Variants in CLASP1 observed in about 807,000 individuals in gnomAD.
CLASP1 encodes the protein cytoplasmic linker associated protein 1.
In CLASP1, 38 loss-of-function variants were observed where a neutral mutation model predicts 192.3. That is an observed-to-expected ratio of 0.20 (90% CI 0.15 to 0.26). The LOEUF (loss-of-function observed/expected upper bound fraction) is 0.26, where lower values mean the gene tolerates loss of function less well. Ranked by LOEUF, CLASP1 falls within the 10% of genes least tolerant of loss-of-function variation. CLASP1 has a pLI of 1.00. For missense variants in CLASP1, 1,433 were observed against 1,932.5 expected, an observed-to-expected ratio of 0.74 and a Z score of 4.85; for synonymous variants, 691 against 712.8, an observed-to-expected ratio of 0.97 and a Z score of 0.49.
At chr2:121,349,991 A>G (rs565868254) in intron 37 of CLASP1, among the ~76,000 whole-genome samples, 4 of 152,328 alleles carry the variant, frequency 2.6e-5, no homozygotes, top group Middle Eastern at 6.8e-3. Flanking sequence ...TACTCAAGAT[A>G]TAGTCAGTAA....
At chr2:121,365,042 C>A (rs770334978) in intron 36 of CLASP1, 52 bp downstream of exon 37, 1 of 1,539,338 alleles carries the variant, frequency 6.5e-7, no homozygotes, top group South Asian at 1.1e-5. Flanking sequence ...AAAAGGACAT[C>A]GTGACCCCAT....
chr2:121,355,445 T>A (rs551764428), intron 37 of CLASP1, among the ~76,000 whole-genome samples: 3 of 152,322 alleles, frequency 2.0e-5, no homozygotes, highest in Admixed American at 2.0e-4. Context: ...ATGTATCTAA[T>A]GTGGATGAGG....
At chr2:121,606,176 C>T in exon 2 of CLASP1, 1 of 464,584 alleles carries the variant, frequency 2.2e-6, no homozygotes, top group Admixed American at 3.8e-5. Flanking sequence ...ATTCAGCAGT[C>T]CATTCTGAAA....
chr2:121,521,269 C>T (rs922638438), intron 6 of CLASP1, among the ~76,000 whole-genome samples: 2 of 152,124 alleles, frequency 1.3e-5, no homozygotes, highest in African/African-American at 4.8e-5. Context: ...CTGGCCTTGT[C>T]GAATGAGCTG....
intron 6 of CLASP1, among the ~76,000 whole-genome samples, chr2:121,516,754 C>A (rs2094308326): frequency 6.6e-6 from 1 of 152,220 alleles, no homozygotes; most frequent in African/African-American, 2.4e-5. Context: ...ATAAGCCGGG[C>A]GTGGTGGCTC....
chr2:121,612,107 T>TGGA (rs1169069127), intron 1 of CLASP1, among the ~76,000 whole-genome samples: 1 of 57,684 alleles, frequency 1.7e-5, no homozygotes, highest in Non-Finnish European at 3.7e-5. Flanking sequence ...AAAGAGGAAC[T>TGGA]GGAGGAGGAG....
chr2:121,471,954 T>A (rs1345344432), intron 8 of CLASP1, among the ~76,000 whole-genome samples: 2 of 152,200 alleles, frequency 1.3e-5, no homozygotes, highest in African/African-American at 4.8e-5. Context: ...AGTCACCCAC[T>A]GAGTACTGCC....
At chr2:121,608,906 CAT>C (rs1245138982) in intron 1 of CLASP1, among the ~76,000 whole-genome samples, 1 of 152,108 alleles carries the variant, frequency 6.6e-6, no homozygotes, top group Non-Finnish European at 1.5e-5. Context: ...TAAGGAGCTA[CAT>C]GAGGTGTCAG....
At chr2:121,387,645 T>G (rs1185772281) in intron 31 of CLASP1, 118 bp downstream of exon 32, 1 of 1,010,782 alleles carries the variant, frequency 9.9e-7, no homozygotes, top group Non-Finnish European at 1.5e-6. Flanking sequence ...CTCAGGATGC[T>G]CGACATTTCC....
chr2:121,451,024 T>G, intron 15 of CLASP1, 34 bp from the exon 16 acceptor site: 2 of 1,367,460 alleles, frequency 1.5e-6, no homozygotes, highest in Non-Finnish European at 2.1e-6. Context: ...GTAACAATCA[T>G]AAATGTATGG....
At chr2:121,618,126 T>C (rs2066752800) in intron 1 of CLASP1, among the ~76,000 whole-genome samples, 1 of 152,264 alleles carries the variant, frequency 6.6e-6, no homozygotes, top group African/African-American at 2.4e-5. Context: ...GGTGCAATTC[T>C]ACCACGTATT....
intron 19 of CLASP1, chr2:121,445,342 A>G (rs2084125556): frequency 3.6e-6 from 2 of 556,000 alleles, no homozygotes; most frequent in Admixed American, 5.7e-5. Context: ...CTAAAATACT[A>G]AAGAGTTACC....
intron 2 of CLASP1, among the ~76,000 whole-genome samples, chr2:121,601,810 A>C (rs919246734): frequency 2.0e-5 from 3 of 152,224 alleles, no homozygotes; most frequent in Non-Finnish European, 4.4e-5. Flanking sequence ...GTACGGTTAC[A>C]GGATACAAAC....
chr2:121,479,032 C>A (rs200189660), intron 8 of CLASP1, among the ~76,000 whole-genome samples: 22 of 83,016 alleles, frequency 2.7e-4, no homozygotes, highest in African/African-American at 3.4e-4. Flanking sequence ...ACACACACAC[C>A]CCACACACAC....
chr2:121,540,138 G>A (rs557627072), intron 2 of CLASP1, among the ~76,000 whole-genome samples: 15 of 152,324 alleles, frequency 9.8e-5, no homozygotes, highest in African/African-American at 2.9e-4. Context: ...GGTGAAATGT[G>A]CAAGAATGCT....
At chr2:121,359,829 C>G (rs765015899) in intron 37 of CLASP1, among the ~76,000 whole-genome samples, 5 of 152,150 alleles carry the variant, frequency 3.3e-5, no homozygotes. Context: ...ATCTTGCTTA[C>G]TATAGAACAT....
intron 1 of CLASP1, among the ~76,000 whole-genome samples, chr2:121,608,295 T>C (rs189238506): frequency 9.5e-4 from 145 of 152,276 alleles, no homozygotes; most frequent in African/African-American, 3.3e-3. Context: ...ACCAGGTTGG[T>C]GGTATATTAA....
At chr2:121,371,557 T>C (rs574302289) in intron 34 of CLASP1, among the ~76,000 whole-genome samples, 1 of 152,208 alleles carries the variant, frequency 6.6e-6, no homozygotes, top group East Asian at 1.9e-4. Context: ...CCCTCACGCA[T>C]CCATCTTTTC....
chr2:121,546,313 T>C (rs1376527051), intron 2 of CLASP1, among the ~76,000 whole-genome samples: 4 of 150,346 alleles, frequency 2.7e-5, no homozygotes, highest in South Asian at 4.2e-4. Flanking sequence ...AATATAGAAA[T>C]CAAAGTGTAG....
Sources: allele counts gnomAD v4.1 joint callset (sites outside exome capture counted in the v4.1 genomes callset), GRCh38; gene constraint gnomAD v4.1.1; transcripts MANE v1.5; gene names NCBI Gene and HGNC (gene_info 2026-07-23, HGNC 2026-07-21).